The following EXOC7 variants were observed in gnomAD, a reference collection of about 807,000 sequenced individuals.
EXOC7 encodes exocyst complex component 7.
A neutral mutation model predicts 87.6 loss-of-function variants in EXOC7; 51 were observed. The observed-to-expected ratio is 0.58, with a 90% CI of 0.46 to 0.73. The LOEUF (loss-of-function observed/expected upper bound fraction) is 0.73. EXOC7 is among the 30% of genes least tolerant of loss of function. The pLI, the probability that EXOC7 is intolerant of heterozygous loss-of-function variation, is 0.00. For synonymous variants in EXOC7, 327 were observed against 357.1 expected (o/e 0.92, Z 0.95); for missense variants, 744 against 888.4 (o/e 0.84, Z 2.07).
chr17:76,103,536 C>G, intron 1 of EXOC7, 97 bp downstream of exon 1: 1 of 1,568,086 alleles, frequency 6.4e-7, no homozygotes, highest in East Asian at 2.3e-5. Flanking sequence ...TGGGTGCGCT[C>G]CCTCCCACCC....
At position 76,083,710 on chromosome 17, in the gene EXOC7, T is replaced by C. The variant is rs756162747; in HGVS notation, c.1993A>G (p.Ile665Val). The change falls in exon 19 of 19, where the codon ATC (isoleucine) becomes GTC (valine). Residue 665 changes from isoleucine to valine, a missense_variant. Coordinates refer to ENST00000589210, the MANE Select transcript of EXOC7 (RefSeq NM_001013839.4). ...CCCACCTGCTCCACCCCGTACTTGATGTACTTCTCCGGGTTCTTGGTGAAG... is the reference window on the plus strand; with the variant it reads ...CCCACCTGCTCCACCCCGTACTTGACGTACTTCTCCGGGTTCTTGGTGAAG... ...VPFTKNPEKY[I>V]KYGVEQVGDM... 8 of 1,613,694 alleles carry C rather than the reference T, an allele frequency of 5.0e-6. No homozygotes were observed. Among genetic ancestry groups the C allele is most frequent in the Non-Finnish European group, 5.9e-6 (7 of 1,180,008 alleles).
chr17:76,098,184 T>G (rs2067875179), intron 4 of EXOC7, 166 bp from the exon 5 acceptor site: 1 of 596,924 alleles, frequency 1.7e-6, no homozygotes, highest in African/African-American at 1.9e-5. Flanking sequence ...GTCACCAGGC[T>G]GGAGTGCAGT....
intron 6 of EXOC7, 156 bp downstream of exon 6, chr17:76,094,258 T>G: frequency 2.7e-6 from 2 of 728,278 alleles, no homozygotes; most frequent in Non-Finnish European, 4.3e-6. Flanking sequence ...ACTGGGTGGG[T>G]AGACACTTGC....
chr17:76,094,393 TG>T lies in EXOC7; in HGVS notation c.808+20del. 1 of 1,604,606 alleles carries T rather than the reference TG, an allele frequency of 6.2e-7. No individual in the cohort carries two copies. On this transcript the variant is annotated intron_variant, in intron 6 of 18. Coordinates refer to ENST00000589210, the MANE Select transcript of EXOC7 (RefSeq NM_001013839.4). ...AGTCAGCCTCTGGCTGTTGCAGAGA[TG>T]GGCCAGGATGGGGGCTCACCTGGCC...
At chr17:76,085,651 C>G (rs2067180042) in intron 14 of EXOC7, 26 bp downstream of exon 14, 1 of 1,613,974 alleles carries the variant, frequency 6.2e-7, no homozygotes, top group African/African-American at 1.3e-5. Flanking sequence ...GTGAGAGCCG[C>G]AGACTCACTC....
At chr17:76,093,417 G>A (rs2067591519) in intron 6 of EXOC7, 1 of 152,790 alleles carries the variant, frequency 6.5e-6, no homozygotes, top group Admixed American at 6.5e-5. Flanking sequence ...CTGCAGGGGA[G>A]CGGGTGCTCT....
chr17:76,099,131 A>G (rs1415922252), intron 4 of EXOC7, among the ~76,000 whole-genome samples: 1 of 152,220 alleles, frequency 6.6e-6, no homozygotes, highest in African/African-American at 2.4e-5. Context: ...GACATATATA[A>G]GAGGGTTTAT....
At chr17:76,100,398 G>A (rs528605418) in intron 4 of EXOC7, among the ~76,000 whole-genome samples, 8 of 151,912 alleles carry the variant, frequency 5.3e-5, no homozygotes, top group South Asian at 2.1e-4. Context: ...GAGCTGAGGC[G>A]GGCGGATCAC....
At chr17:76,101,521 C>A in intron 3 of EXOC7, 145 bp from the exon 4 acceptor site, 1 of 1,357,890 alleles carries the variant, frequency 7.4e-7, no homozygotes, top group South Asian at 1.4e-5. Context: ...AGGCCTAGGG[C>A]TTAAAAGGCG....
At chr17:76,085,993 G>A (rs904545469) in intron 13 of EXOC7, 87 bp downstream of exon 13, 62 of 1,545,770 alleles carry the variant, frequency 4.0e-5, no homozygotes, top group Non-Finnish European at 4.9e-5. Context: ...GAGGGCCCTG[G>A]GAATAGCCAG....
In EXOC7 at chr17:76,088,451, G is replaced by A; in HGVS notation, c.1299+13C>T. Reference sequence around the variant, plus strand: ...GGCCGGGAGGGAGGGAGAAAGGGGAGGACAGCAGGGACCTTGATGTTGTCT... The same window carrying A: ...GGCCGGGAGGGAGGGAGAAAGGGGAAGACAGCAGGGACCTTGATGTTGTCT... On this transcript the variant is annotated intron_variant, in intron 10 of 18. Transcript: ENST00000589210. 1.9e-6 allele frequency: 3 copies of A among 1,611,490 alleles called. No individual in the cohort carries two copies. The highest frequency in any genetic ancestry group is 2.5e-6 in the Non-Finnish European group (3 of 1,178,270).
intron 7 of EXOC7, chr17:76,090,439 C>T (rs543723188): frequency 6.4e-6 from 10 of 1,551,566 alleles, no homozygotes; most frequent in Non-Finnish European, 7.8e-6. Context: ...AGCGTTTATC[C>T]AGGGGCCAGG....
chr17:76,088,959 G>T (rs1213921333), intron 8 of EXOC7, 36 bp from the exon 9 acceptor site: 1 of 1,602,214 alleles, frequency 6.2e-7, no homozygotes, highest in East Asian at 2.2e-5. Context: ...GGAAGGGTGG[G>T]GCGGTGGGAG....
chr17:76,098,106 C>A, intron 4 of EXOC7, 88 bp from the exon 5 acceptor site: 2 of 1,170,744 alleles, frequency 1.7e-6, no homozygotes, highest in Non-Finnish European at 2.5e-6. Context: ...GCTCTGTCTT[C>A]TTAACTCAGG....
At position 76,081,820 on chromosome 17, in the gene EXOC7, G is replaced by C. The variant is rs750555414; in HGVS notation, c.*1828C>G. On this transcript the variant is annotated 3_prime_UTR_variant, in exon 19 of 19. Coordinates refer to ENST00000589210, the MANE Select transcript of EXOC7 (RefSeq NM_001013839.4). ...CCGGTCACCCACTGGTGCTCAGCTC[G>C]CTGGGCACCAGAGACACAGGGACTG... The C allele has an allele frequency of 6.2e-7, 1 of 1,610,924 alleles. No individual in the cohort carries two copies. The highest frequency in any genetic ancestry group is 8.5e-7 in the Non-Finnish European group (1 of 1,177,798).
intron 13 of EXOC7, 95 bp downstream of exon 13, chr17:76,085,985 G>A: frequency 2.6e-6 from 4 of 1,532,044 alleles, no homozygotes; most frequent in South Asian, 2.3e-5. Flanking sequence ...ACTTAGGAGA[G>A]GGCCCTGGGA....
Position 76,082,350 on chromosome 17 carries a change from C to A in EXOC7, c.*1298G>T. 1 of 1,188,270 alleles carries A rather than the reference C, an allele frequency of 8.4e-7. No individual in the cohort carries two copies. The highest frequency in any genetic ancestry group is 1.2e-6 in the Non-Finnish European group (1 of 852,246). The allele number at this position is 1,188,270 out of a possible 1,614,324, so 73.6% of individuals were successfully genotyped here. A position where few individuals can be genotyped will look rare whatever the true frequency, so the allele number is the denominator to read the frequency against. On this transcript the variant is annotated 3_prime_UTR_variant, in exon 19 of 19. Transcript: ENST00000589210. ...TGGGCCAGACCCAAATTTTCATCAG[C>A]TGAGAATCTAAGAAAGGAAGCGATA...
At chr17:76,101,535 C>T in intron 3 of EXOC7, 144 bp downstream of exon 3, 2 of 1,341,922 alleles carry the variant, frequency 1.5e-6, no homozygotes, top group Non-Finnish European at 1.0e-6. Flanking sequence ...AAAGGCGTCT[C>T]ACTGTGTTGT....
intron 3 of EXOC7, 21 bp downstream of exon 3, chr17:76,101,658 C>T: frequency 6.2e-7 from 1 of 1,601,740 alleles, no homozygotes; most frequent in African/African-American, 1.3e-5. Flanking sequence ...GGAATTGACC[C>T]TCTGGGCCTC....
Sources: gnomAD v4.1 joint callset for allele counts (sites outside exome capture counted in the v4.1 genomes callset) on GRCh38, gnomAD v4.1.1 for gene constraint, MANE v1.5 for transcripts, NCBI Gene and HGNC (gene_info 2026-07-23, HGNC 2026-07-21) for gene names.